The following GALNT13 variants were observed in gnomAD, a reference collection of about 807,000 sequenced individuals.
GALNT13 encodes the protein polypeptide N-acetylgalactosaminyltransferase 13, also known as UDP-GalNAc:polypeptide N-acetylgalactosaminyltransferase 13.
In GALNT13, 28 loss-of-function variants were observed where a neutral mutation model predicts 64.2. That is an observed-to-expected ratio of 0.44 (90% CI 0.32 to 0.60). The LOEUF (loss-of-function observed/expected upper bound fraction) is 0.60, where lower values mean the gene tolerates loss of function less well. GALNT13 is among the 20% of genes least tolerant of loss of function. The pLI is 0.05. For missense variants in GALNT13, 577 were observed against 669.8 expected (o/e 0.86, Z 1.53); for synonymous variants, 214 against 224.6 (o/e 0.95, Z 0.42).
chr2:153,701,492 A>C, the GALNT13 span, among the ~76,000 whole-genome samples: 7 of 152,234 alleles, frequency 4.6e-5, no homozygotes, highest in Non-Finnish European at 2.9e-5. Flanking sequence ...AAATTGACAA[A>C]TGGGATCTAA....
intron 11 of GALNT13, among the ~76,000 whole-genome samples, chr2:154,428,836 C>T (rs1326670144): frequency 6.6e-6 from 1 of 150,696 alleles, no homozygotes; most frequent in South Asian, 2.1e-4. Flanking sequence ...GGCTGGAGTG[C>T]AGTGGCGCGA....
the GALNT13 span, among the ~76,000 whole-genome samples, chr2:153,432,771 GT>G: frequency 6.6e-6 from 1 of 151,954 alleles, no homozygotes; most frequent in Non-Finnish European, 1.5e-5. Context: ...CATTTTAGTT[GT>G]TTTATTGAAG....
At chr2:154,137,462 G>C (rs2105569369) in intron 3 of GALNT13, among the ~76,000 whole-genome samples, 1 of 152,222 alleles carries the variant, frequency 6.6e-6, no homozygotes, top group African/African-American at 2.4e-5. Context: ...ATAATTAGGA[G>C]AATGACTACA....
At chr2:153,573,380 G>C in the GALNT13 span, among the ~76,000 whole-genome samples, 2 of 151,828 alleles carry the variant, frequency 1.3e-5, no homozygotes, top group Non-Finnish European at 2.9e-5. Flanking sequence ...AACAGGTCTT[G>C]TTTTTCTCAT....
intron 3 of GALNT13, among the ~76,000 whole-genome samples, chr2:154,076,156 T>C (rs1366442870): frequency 6.6e-6 from 1 of 151,742 alleles, no homozygotes; most frequent in Admixed American, 6.6e-5. Context: ...CCTATTGGAA[T>C]TTTTAAAATC....
the GALNT13 span, among the ~76,000 whole-genome samples, chr2:153,808,288 C>T: frequency 5.9e-5 from 9 of 152,034 alleles, no homozygotes; most frequent in East Asian, 1.6e-3. Flanking sequence ...ATTTTTTTCC[C>T]ACGACATTTT....
chr2:153,986,430 T>A (rs1694804487), intron 3 of GALNT13, among the ~76,000 whole-genome samples: 1 of 152,000 alleles, frequency 6.6e-6, no homozygotes. Context: ...GTATACTTGG[T>A]CATATAATAC....
the GALNT13 span, among the ~76,000 whole-genome samples, chr2:153,858,059 G>A: frequency 2.0e-5 from 3 of 152,160 alleles, no homozygotes; most frequent in African/African-American, 7.2e-5. Context: ...TAATAACCAC[G>A]GAGGAAAATC....
chr2:153,873,876 CT>C (rs1686169608), intron 1 of GALNT13, among the ~76,000 whole-genome samples: 1 of 126,002 alleles, frequency 7.9e-6, no homozygotes, highest in South Asian at 2.8e-4. Context: ...CTCCCTGTCT[CT>C]CTCTCTCTGT....
chr2:154,243,346 G>T (rs1398803808), intron 6 of GALNT13, among the ~76,000 whole-genome samples: 3 of 152,080 alleles, frequency 2.0e-5, no homozygotes, highest in Non-Finnish European at 4.4e-5. Flanking sequence ...CAACAATTCA[G>T]CTCTTTCCAG....
chr2:153,692,234 A>T, the GALNT13 span, among the ~76,000 whole-genome samples: 1 of 152,174 alleles, frequency 6.6e-6, no homozygotes, highest in Non-Finnish European at 1.5e-5. Context: ...ACTAGAAGGG[A>T]TCGTAAAGGG....
chr2:153,167,634 C>CA, the GALNT13 span, among the ~76,000 whole-genome samples: 1 of 152,114 alleles, frequency 6.6e-6, no homozygotes, highest in Non-Finnish European at 1.5e-5. Flanking sequence ...TCTGTGTCTT[C>CA]CAGAAACAAT....
the GALNT13 span, among the ~76,000 whole-genome samples, chr2:153,809,315 T>C: frequency 6.6e-6 from 1 of 152,216 alleles, no homozygotes; most frequent in African/African-American, 2.4e-5. Flanking sequence ...GGTTTTAAAA[T>C]ATCACATTAA....
chr2:153,715,659 C>T, the GALNT13 span, among the ~76,000 whole-genome samples: 3 of 152,232 alleles, frequency 2.0e-5, no homozygotes, highest in African/African-American at 7.2e-5. Context: ...ATAAAGCATT[C>T]CAGCAGGCTT....
intron 12 of GALNT13, among the ~76,000 whole-genome samples, chr2:154,447,910 A>G (rs1370160901): frequency 6.6e-6 from 1 of 152,030 alleles, no homozygotes; most frequent in Non-Finnish European, 1.5e-5. Flanking sequence ...GCTTAACTAA[A>G]TATTTATTCT....
the GALNT13 span, among the ~76,000 whole-genome samples, chr2:153,553,604 C>T: frequency 1.2e-4 from 18 of 152,012 alleles, no homozygotes; most frequent in African/African-American, 4.1e-4. Flanking sequence ...AGAATGTTTC[C>T]AAGAAAGAAT....
chr2:153,211,906 A>G, the GALNT13 span, among the ~76,000 whole-genome samples: 3 of 152,202 alleles, frequency 2.0e-5, no homozygotes, highest in Non-Finnish European at 4.4e-5. Flanking sequence ...AACTGCAGAG[A>G]AAGACACAGT....
the GALNT13 span, among the ~76,000 whole-genome samples, chr2:153,645,694 GA>G: frequency 6.6e-6 from 1 of 151,972 alleles, no homozygotes; most frequent in Non-Finnish European, 1.5e-5. Context: ...AACTGAAATA[GA>G]AAAAAAGCAT....
the GALNT13 span, among the ~76,000 whole-genome samples, chr2:153,214,219 C>G: frequency 6.6e-6 from 1 of 152,088 alleles, no homozygotes; most frequent in Non-Finnish European, 1.5e-5. Flanking sequence ...GTACAATACC[C>G]TTGAATTTCC....
Sources: allele counts gnomAD v4.1 joint callset (sites outside exome capture counted in the v4.1 genomes callset), GRCh38; gene constraint gnomAD v4.1.1; transcripts MANE v1.5; gene names NCBI Gene and HGNC (gene_info 2026-07-23, HGNC 2026-07-21).